Variants in STX8 observed in about 807,000 individuals in gnomAD.
STX8 encodes the protein syntaxin-8.
In STX8, 23 loss-of-function variants were observed where a neutral mutation model predicts 37.5. The observed-to-expected ratio is 0.61, with a 90% CI of 0.44 to 0.87. STX8 has a LOEUF of 0.87. STX8 is among the 40% of genes least tolerant of loss of function. STX8 has a pLI of 0.00. For missense variants in STX8, 313 were observed against 284.7 expected, an observed-to-expected ratio of 1.10 and a Z score of -0.71; for synonymous variants, 115 against 99.1, an observed-to-expected ratio of 1.16 and a Z score of -0.95.
At chr17:9,321,386 C>T (rs373343165) in intron 7 of STX8, among the ~76,000 whole-genome samples, 3 of 151,684 alleles carry the variant, frequency 2.0e-5, no homozygotes, top group African/African-American at 4.8e-5. Context: ...AAAAATTAGC[C>T]GGGCGTGGTG....
intron 6 of STX8, among the ~76,000 whole-genome samples, chr17:9,423,610 C>A (rs1024710703): frequency 3.3e-5 from 5 of 152,208 alleles, no homozygotes; most frequent in Non-Finnish European, 5.9e-5. Flanking sequence ...AGGTGAGAAC[C>A]ACCGTGCCCG....
chr17:9,543,279 CT>C (rs1906355495), intron 4 of STX8, among the ~76,000 whole-genome samples: 2 of 142,066 alleles, frequency 1.4e-5, no homozygotes, highest in South Asian at 4.6e-4. Context: ...TGTAAAGCCC[CT>C]TCTAGAAGAC....
At chr17:9,565,320 T>G (rs181011271) in intron 2 of STX8, among the ~76,000 whole-genome samples, 1 of 151,708 alleles carries the variant, frequency 6.6e-6, no homozygotes. Context: ...TGGAACAGAA[T>G]AGAGAACTCA....
intron 4 of STX8, among the ~76,000 whole-genome samples, chr17:9,532,601 T>C (rs1022878571): frequency 1.3e-5 from 2 of 152,180 alleles, no homozygotes; most frequent in Admixed American, 1.3e-4. Flanking sequence ...TTGTACAGTT[T>C]AACAATGTAA....
At chr17:9,438,321 C>A (rs1392933976) in intron 6 of STX8, among the ~76,000 whole-genome samples, 1 of 151,734 alleles carries the variant, frequency 6.6e-6, no homozygotes, top group Non-Finnish European at 1.5e-5. Context: ...CCCCCTCCCC[C>A]ACCCACCTCT....
chr17:9,489,691 C>CTTTTTTTTTTTTTTT lies in STX8; in HGVS notation c.541+2123_541+2137dup, dbSNP rs4063411. 1.6e-5 allele frequency among the ~76,000 whole-genome samples: 2 copies of CTTTTTTTTTTTTTTT among 127,388 alleles called. 1 individual carries two copies. The allele number at this position is 127,388 out of a possible 152,430, so 83.6% of individuals were successfully genotyped here. On this transcript the variant is annotated intron_variant, in intron 6 of 7. Transcript: ENST00000306357. ...CAGATTTTCTATAAAGCTTACTTTC[C>CTTTTTTTTTTTTTTT]TTTTTTTTTTTTTTTGAGATGGATT...
intron 7 of STX8, among the ~76,000 whole-genome samples, chr17:9,333,649 A>G (rs1441063448): frequency 6.6e-6 from 1 of 152,226 alleles, no homozygotes; most frequent in East Asian, 1.9e-4. Context: ...TTGGCCTCCC[A>G]AAGTGCTCGG....
chr17:9,546,281 T>C (rs1047446661), intron 3 of STX8, among the ~76,000 whole-genome samples: 1 of 152,056 alleles, frequency 6.6e-6, no homozygotes, highest in African/African-American at 2.4e-5. Context: ...TATTCCACTA[T>C]CTATGCTCTT....
At chr17:9,398,835 G>A (rs911401294) in intron 6 of STX8, among the ~76,000 whole-genome samples, 21 of 152,188 alleles carry the variant, frequency 1.4e-4, no homozygotes, top group African/African-American at 4.6e-4. Flanking sequence ...GATCACTTAG[G>A]GTCAGGAGTT....
At chr17:9,302,962 T>C (rs571250216) in intron 7 of STX8, among the ~76,000 whole-genome samples, 2 of 150,208 alleles carry the variant, frequency 1.3e-5, no homozygotes, top group Non-Finnish European at 2.9e-5. Context: ...TGGTGAATTT[T>C]ATATGTGAAT....
intron 6 of STX8, among the ~76,000 whole-genome samples, chr17:9,411,587 T>C (rs553180334): frequency 6.6e-6 from 1 of 152,342 alleles, no homozygotes; most frequent in African/African-American, 2.4e-5. Flanking sequence ...AAATTGCACA[T>C]CGGAAAATTC....
intron 7 of STX8, among the ~76,000 whole-genome samples, chr17:9,252,990 TTG>T (rs1906645520): frequency 6.6e-6 from 1 of 152,230 alleles, no homozygotes; most frequent in Non-Finnish European, 1.5e-5. Flanking sequence ...TTCCAGAGGC[TTG>T]CTAGCTCCTG....
chr17:9,400,409 A>ATT (rs1304977741), intron 6 of STX8, among the ~76,000 whole-genome samples: 2 of 112,894 alleles, frequency 1.8e-5, no homozygotes, highest in Non-Finnish European at 3.8e-5. Context: ...TTATTTATTT[A>ATT]TTTTTTTTTT....
intron 5 of STX8, among the ~76,000 whole-genome samples, chr17:9,495,261 A>G (rs985962090): frequency 1.3e-5 from 2 of 152,100 alleles, no homozygotes; most frequent in Admixed American, 1.3e-4. Context: ...ATCACTTTAT[A>G]ATGAGGTCCT....
intron 6 of STX8, among the ~76,000 whole-genome samples, chr17:9,479,551 TTA>T (rs1161405873): frequency 6.7e-6 from 1 of 148,688 alleles, no homozygotes; most frequent in African/African-American, 2.4e-5. Flanking sequence ...TATACATGTA[TTA>T]TATATATAAA....
intron 3 of STX8, among the ~76,000 whole-genome samples, chr17:9,546,498 G>A (rs1476902509): frequency 6.6e-6 from 1 of 151,754 alleles, no homozygotes; most frequent in African/African-American, 2.4e-5. Context: ...GAAGCAAAAA[G>A]GGAAGTGGCG....
intron 7 of STX8, among the ~76,000 whole-genome samples, chr17:9,262,923 T>C (rs1009817230): frequency 6.6e-6 from 1 of 152,218 alleles, no homozygotes; most frequent in African/African-American, 2.4e-5. Flanking sequence ...CTCTGCTTAT[T>C]TGCAACCAAG....
intron 7 of STX8, among the ~76,000 whole-genome samples, chr17:9,350,208 G>A (rs1180763153): frequency 6.6e-6 from 1 of 152,116 alleles, no homozygotes; most frequent in Admixed American, 6.6e-5. Context: ...GCGTGGATAC[G>A]CTGGACAAGG....
At chr17:9,348,838 C>T (rs550733161) in intron 7 of STX8, among the ~76,000 whole-genome samples, 1 of 152,322 alleles carries the variant, frequency 6.6e-6, no homozygotes, top group East Asian at 1.9e-4. Flanking sequence ...TGGCTTCCTA[C>T]CTTCCTGATG....
Sources: gnomAD v4.1 joint callset for allele counts (sites outside exome capture counted in the v4.1 genomes callset) on GRCh38, gnomAD v4.1.1 for gene constraint, MANE v1.5 for transcripts, NCBI Gene and HGNC (gene_info 2026-07-23, HGNC 2026-07-21) for gene names.